Variants in KIRREL3 observed in about 807,000 individuals in gnomAD.
KIRREL3 encodes kirre like nephrin family adhesion molecule 3.
In KIRREL3, 36 loss-of-function variants were observed where a neutral mutation model predicts 89.7. The observed-to-expected ratio is 0.40, with a 90% confidence interval of 0.31 to 0.53. KIRREL3 has a LOEUF of 0.53. Among genes scored for constraint, KIRREL3 ranks in the 20% least tolerant of loss-of-function variants. The pLI, the probability that KIRREL3 is intolerant of heterozygous loss-of-function variation, is 0.49. For missense variants in KIRREL3, 864 were observed against 1,056.6 expected (o/e 0.82, Z 2.53); for synonymous variants, 445 against 441.4 (o/e 1.01, Z -0.10).
intron 1 of KIRREL3, among the ~76,000 whole-genome samples, chr11:126,680,118 A>T (rs1310334815): frequency 2.0e-5 from 3 of 152,208 alleles, no homozygotes; most frequent in African/African-American, 7.2e-5. Flanking sequence ...CTCAAAACAC[A>T]TGTGAACTAC....
intron 1 of KIRREL3, among the ~76,000 whole-genome samples, chr11:126,857,132 A>C (rs1443330343): frequency 6.6e-6 from 1 of 152,194 alleles, no homozygotes; most frequent in Non-Finnish European, 1.5e-5. Context: ...TGCCTCCTCC[A>C]TACACTGAAG....
At chr11:126,961,220 G>A (rs1192390933) in intron 1 of KIRREL3, among the ~76,000 whole-genome samples, 1 of 152,178 alleles carries the variant, frequency 6.6e-6, no homozygotes, top group Non-Finnish European at 1.5e-5. Context: ...TAAATCAAAA[G>A]CTAGAAATGA....
chr11:126,898,547 G>A lies in KIRREL3; in HGVS notation c.55+101908C>T, dbSNP rs1038176473. 4.6e-5 allele frequency among the ~76,000 whole-genome samples: 7 copies of A among 152,192 alleles called. No individual in the cohort carries two copies. Among genetic ancestry groups the A allele is most frequent in the Middle Eastern group, 3.4e-3 (1 of 292 alleles). The stretch of plus-strand genomic sequence containing the variant: ...GAAGTGGGCAGATACCTAACAATAC[G>A]AACAATTCCTAAAAGCAGCGTTAGT... On this transcript the variant is annotated intron_variant, in intron 1 of 16. Coordinates refer to ENST00000525144, the MANE Select transcript of KIRREL3 (RefSeq NM_032531.4). The surrounding 1 kb of genome is among the most constrained non-coding windows in gnomAD (Gnocchi z 4.9).
chr11:126,817,700 C>T lies in KIRREL3; in HGVS notation c.55+182755G>A, dbSNP rs1053690928. On this transcript the variant is annotated intron_variant, in intron 1 of 16. Transcript: ENST00000525144. The surrounding 1 kb of genome is among the most constrained non-coding windows in gnomAD (Gnocchi z 5.7). The stretch of plus-strand genomic sequence containing the variant: ...TCCCAGAGGGGTCAGGGAGCTCCAC[C>T]GAGCTTCCCTAACTTGTTCACATCC... Among the ~76,000 whole-genome samples, 8 of 152,166 alleles carry T rather than the reference C, an allele frequency of 5.3e-5. No individual in the cohort carries two copies. The highest frequency in any genetic ancestry group is 2.6e-4 in the Admixed American group (4 of 15,284).
Position 126,601,306 on chromosome 11 carries a change from G to A in KIRREL3, c.56-38394C>T, listed in dbSNP as rs146584988. 3.3e-5 allele frequency among the ~76,000 whole-genome samples: 5 copies of A among 152,270 alleles called. No homozygotes were observed. The highest frequency in any genetic ancestry group is 2.1e-4 in the South Asian group (1 of 4,822). Reference sequence around the variant, plus strand: ...AAAACAACTGGCAGAGAGACTGAGCGGCAGCCGTGGGCATCTTGGGTTTTG... The same window carrying A: ...AAAACAACTGGCAGAGAGACTGAGCAGCAGCCGTGGGCATCTTGGGTTTTG... On this transcript the variant is annotated intron_variant, in intron 1 of 16. Coordinates refer to ENST00000525144, the MANE Select transcript of KIRREL3 (RefSeq NM_032531.4). This position sits in a 1 kb window ranked among gnomAD's most constrained non-coding sequence, Gnocchi z 5.8.
rs188443626 is a variant in KIRREL3, at chr11:126,738,795, T to G, written c.56-175883A>C. Among the ~76,000 whole-genome samples the G allele has an allele frequency of 1.8e-3, 281 of 152,298 alleles. 1 individual carries two copies. Among genetic ancestry groups the G allele is most frequent in the African/African-American group, 6.5e-3 (272 of 41,570 alleles). ...GCTGCTGCATTAGCAGGCAGCTACC[T>G]GAAAGAAAAGTTTATGAAGACGAGA... On this transcript the variant is annotated intron_variant, in intron 1 of 16. Transcript: ENST00000525144.
In KIRREL3 at chr11:126,872,681, C is replaced by T. The variant is rs553937074; in HGVS notation, c.55+127774G>A. On this transcript the variant is annotated intron_variant, in intron 1 of 16. Coordinates refer to ENST00000525144, the MANE Select transcript of KIRREL3 (RefSeq NM_032531.4). This position sits in a 1 kb window ranked among gnomAD's most constrained non-coding sequence, Gnocchi z 4.2. ...TTCTCTGTCTCCCTCCTATCCCACC[C>T]CATCCTGGGCTTGTTTTCATCTTTG... is the stretch of plus-strand genomic sequence containing the variant. Among the ~76,000 whole-genome samples, 75 of 152,354 alleles carry T rather than the reference C, an allele frequency of 4.9e-4. 2 individuals carry two copies. The South Asian group carries it at 0.014, about 29-fold the overall frequency.
At position 126,607,569 on chromosome 11, in the gene KIRREL3, T is replaced by C. The variant is rs766534533; in HGVS notation, c.56-44657A>G. On this transcript the variant is annotated intron_variant, in intron 1 of 16. Transcript: ENST00000525144. This position sits in a 1 kb window ranked among gnomAD's most constrained non-coding sequence, Gnocchi z 6.6. ...GCGCTCCACGTTCAAAGACCATTAT[T>C]GCCATTATTAATTGATCGCTGTTAT... 3.9e-5 allele frequency among the ~76,000 whole-genome samples: 6 copies of C among 152,188 alleles called. No homozygotes were observed. The highest frequency in any genetic ancestry group is 8.8e-5 in the Non-Finnish European group (6 of 68,034).
chr11:126,611,722 C>G lies in KIRREL3; in HGVS notation c.56-48810G>C, dbSNP rs1044766053. Among the ~76,000 whole-genome samples the G allele has an allele frequency of 6.6e-6, 1 of 152,174 alleles. No individual in the cohort carries two copies. Among genetic ancestry groups the G allele is most frequent in the Admixed American group, 6.5e-5 (1 of 15,276 alleles). On this transcript the variant is annotated intron_variant, in intron 1 of 16. Transcript: ENST00000525144. This position sits in a 1 kb window ranked among gnomAD's most constrained non-coding sequence, Gnocchi z 4.7. Reference sequence around the variant, plus strand: ...GATCGCAGAGTCTTTTTCTGGCTGCCAAGAACATGGTAGCCTCCCAGAGGC... The same window carrying G: ...GATCGCAGAGTCTTTTTCTGGCTGCGAAGAACATGGTAGCCTCCCAGAGGC...
intron 2 of KIRREL3, among the ~76,000 whole-genome samples, chr11:126,554,842 A>G (rs1939580757): frequency 6.6e-6 from 1 of 152,148 alleles, no homozygotes. Flanking sequence ...GCCCATGAAA[A>G]GACTTCAGCT....
intron 1 of KIRREL3, among the ~76,000 whole-genome samples, chr11:126,950,912 T>A (rs1301621646): frequency 6.6e-6 from 1 of 152,342 alleles, no homozygotes; most frequent in East Asian, 1.9e-4. Flanking sequence ...ACAACCCAGT[T>A]AGAGAGATTA....
rs968849640 is a variant in KIRREL3 at position 126,708,018 on chromosome 11, G to A, written c.56-145106C>T. ...GTCAAGTCGGTGGAGGGTGAAACAG[G>A]CGATTGGCAATACTCCCCTCCGCAT... On this transcript the variant is annotated intron_variant, in intron 1 of 16. Transcript: ENST00000525144. The surrounding 1 kb of genome is among the most constrained non-coding windows in gnomAD (Gnocchi z 5.7). 1.3e-5 allele frequency among the ~76,000 whole-genome samples: 2 copies of A among 152,102 alleles called. No individual in the cohort carries two copies. The highest frequency in any genetic ancestry group is 2.9e-5 in the Non-Finnish European group (2 of 68,034).
chr11:126,855,825 CCAT>C (rs1237613461), intron 1 of KIRREL3, among the ~76,000 whole-genome samples: 1 of 152,202 alleles, frequency 6.6e-6, no homozygotes, highest in Non-Finnish European at 1.5e-5. Flanking sequence ...CCTCCCACCA[CCAT>C]CTCTATGCCC....
At chr11:126,630,856 C>T (rs1943990241) in intron 1 of KIRREL3, among the ~76,000 whole-genome samples, 1 of 152,126 alleles carries the variant, frequency 6.6e-6, no homozygotes, top group African/African-American at 2.4e-5. Context: ...GGTGAGCCCG[C>T]CCTTTGGACC....
chr11:126,950,675 C>T (rs1035998432), intron 1 of KIRREL3, among the ~76,000 whole-genome samples: 1 of 152,234 alleles, frequency 6.6e-6, no homozygotes, highest in Non-Finnish European at 1.5e-5. Flanking sequence ...CCAACTGCTG[C>T]TCCCTTTCTT....
chr11:126,720,922 G>A (rs1181865772), intron 1 of KIRREL3, among the ~76,000 whole-genome samples: 1 of 152,182 alleles, frequency 6.6e-6, no homozygotes, highest in Admixed American at 6.5e-5. Context: ...TAAAGGGCAG[G>A]GGCAGGGAAC....
In KIRREL3 at chr11:126,430,547, C is replaced by T. The variant is rs1193986360; in HGVS notation, c.1696+872G>A. ...GGTGGTGATGGAGGTCCTGAGACCA[C>T]ATCATTGCTGGGGTGGTCTTGAGAG... On this transcript the variant is annotated intron_variant, in intron 14 of 16. Transcript: ENST00000525144. This position sits in a 1 kb window ranked among gnomAD's most constrained non-coding sequence, Gnocchi z 6.6. 1.3e-5 allele frequency among the ~76,000 whole-genome samples: 2 copies of T among 152,302 alleles called. No homozygotes were observed. The highest frequency in any genetic ancestry group is 4.8e-5 in the African/African-American group (2 of 41,546).
At chr11:126,577,134 T>G (rs1284499024) in intron 1 of KIRREL3, among the ~76,000 whole-genome samples, 2 of 152,118 alleles carry the variant, frequency 1.3e-5, no homozygotes, top group Non-Finnish European at 2.9e-5. Context: ...CTCAGCAAAA[T>G]GTTTGTCTTA....
At position 126,906,561 on chromosome 11, in the gene KIRREL3, A is replaced by G. The variant is rs1354112060; in HGVS notation, c.55+93894T>C. Among the ~76,000 whole-genome samples the G allele has an allele frequency of 1.3e-5, 2 of 152,280 alleles. No individual in the cohort carries two copies. The highest frequency in any genetic ancestry group is 4.1e-4 in the South Asian group (2 of 4,820). On this transcript the variant is annotated intron_variant, in intron 1 of 16. Transcript: ENST00000525144. This position sits in a 1 kb window ranked among gnomAD's most constrained non-coding sequence, Gnocchi z 4.1. Reference sequence around the variant, plus strand: ...AGAAGTGGATAGGGACCCCCCTGCCATGAAAAACAGCGTTGTTTTTTGTTT... The same window carrying G: ...AGAAGTGGATAGGGACCCCCCTGCCGTGAAAAACAGCGTTGTTTTTTGTTT...
Sources: gnomAD v4.1 joint callset for allele counts (sites outside exome capture counted in the v4.1 genomes callset) on GRCh38, gnomAD v4.1.1 for gene constraint, Gnocchi (gnomAD v3.1) non-coding constraint, MANE v1.5 for transcripts, NCBI Gene and HGNC (gene_info 2026-07-23, HGNC 2026-07-21) for gene names.